NUMB: variants seen among roughly 807,000 people sequenced by gnomAD.
NUMB encodes the protein NUMB endocytic adaptor protein.
A neutral mutation model predicts 59.7 loss-of-function variants in NUMB; 29 were observed. The observed-to-expected ratio is 0.49, with a 90% CI of 0.36 to 0.66. The LOEUF (loss-of-function observed/expected upper bound fraction) is 0.66. NUMB is among the 30% of genes least tolerant of loss of function. The probability of loss-of-function intolerance (pLI) is 0.00; values close to 1 mark genes in which losing one functional copy is unlikely to be tolerated. For missense variants in NUMB, 723 were observed against 822.0 expected (o/e 0.88, Z 1.47); for synonymous variants, 288 against 288.2 (o/e 1.00, Z 0.01).
chr14:73,297,454 ACATT>A lies in NUMB; in HGVS notation c.235-173_235-170del, dbSNP rs1889857219. On this transcript the variant is annotated intron_variant, in intron 6 of 12. Transcript: ENST00000555238. Reference sequence around the variant, plus strand: ...CAGATACTCAAACCAAACTGCAGAAACATTCAGGAAAAAACAAGCCAAAGCCATT... The same window carrying A: ...CAGATACTCAAACCAAACTGCAGAAACAGGAAAAAACAAGCCAAAGCCATT... 2.8e-5 allele frequency: 14 copies of A among 499,708 alleles called. No homozygotes were observed. In the East Asian group the frequency reaches 4.5e-4, roughly 16 times the overall value. The allele number at this position is 499,708 out of a possible 1,614,324, so 31.0% of individuals were successfully genotyped here.
At chr14:73,355,130 G>C (rs1462820866) in intron 4 of NUMB, among the ~76,000 whole-genome samples, 2 of 152,098 alleles carry the variant, frequency 1.3e-5, no homozygotes, top group Non-Finnish European at 2.9e-5. Context: ...TAACCTCTGT[G>C]AGTTTCCACT....
chr14:73,447,934 C>A (rs922210067), intron 1 of NUMB, among the ~76,000 whole-genome samples: 8 of 151,862 alleles, frequency 5.3e-5, no homozygotes, highest in Non-Finnish European at 1.2e-4. Flanking sequence ...GTAGCTGGGA[C>A]AACAGGCATG....
chr14:73,357,166 G>A (rs1034227513), intron 3 of NUMB: 6 of 210,270 alleles, frequency 2.9e-5, no homozygotes, highest in Non-Finnish European at 8.2e-6. Flanking sequence ...ACTTTGGGAG[G>A]CCGAGGCAGG....
chr14:73,454,735 T>C (rs1340609218), intron 1 of NUMB, among the ~76,000 whole-genome samples: 2 of 152,194 alleles, frequency 1.3e-5, no homozygotes, highest in Non-Finnish European at 2.9e-5. Context: ...GTAAAATTAT[T>C]TGGGCAATCA....
At chr14:73,420,299 T>C (rs1897302511) in intron 1 of NUMB, among the ~76,000 whole-genome samples, 1 of 152,198 alleles carries the variant, frequency 6.6e-6, no homozygotes, top group African/African-American at 2.4e-5. Context: ...GTCAACAGAC[T>C]CACACTCCAA....
At chr14:73,282,271 G>T in intron 11 of NUMB, 88 bp downstream of exon 11, 2 of 1,365,568 alleles carry the variant, frequency 1.5e-6, no homozygotes, top group Non-Finnish European at 2.0e-6. Flanking sequence ...GCCTTGGGAA[G>T]CTCAGGATGC....
chr14:73,276,762 C>T lies in NUMB; in HGVS notation c.1772G>A (p.Gly591Asp), dbSNP rs1888186379. 2 of 1,614,158 alleles carry T rather than the reference C, an allele frequency of 1.2e-6. No homozygotes were observed. Among genetic ancestry groups the T allele is most frequent in the Non-Finnish European group, 1.7e-6 (2 of 1,180,032 alleles). ...TGAGGCCAACCTGCCATCATCTACA[C>T]CATTGAAAGCTGCAGAACCGTTGAG... ...QHLNGSAAFN[G>D]VDDGRLASAD... The change falls in exon 13 of 13, where the codon GGT (glycine) becomes GAT (aspartate). Residue 591 changes from glycine (G) to aspartate (D), a missense_variant. Gly to Asp is a moderately conservative substitution (Grantham distance 94, BLOSUM62 -1). Coordinates refer to ENST00000555238, the MANE Select transcript of NUMB (RefSeq NM_001005743.2).
rs117058163 is a variant in NUMB at position 73,348,273 on chromosome 14, A to C, written c.126+7353T>G. On this transcript the variant is annotated intron_variant, in intron 4 of 12. Transcript: ENST00000555238. ...ATATAAGTGTATGAGTTGGGGAGGG[A>C]AGGAGTGACACAACATAGCAGAGAC... 6.8e-3 allele frequency among the ~76,000 whole-genome samples: 1,039 copies of C among 152,240 alleles called. 5 individuals are homozygous for C. Among genetic ancestry groups the C allele is most frequent in the South Asian group, 0.03 (143 of 4,810 alleles).
chr14:73,449,733 G>A lies in NUMB; in HGVS notation c.-233+8760C>T, dbSNP rs142216451. On this transcript the variant is annotated intron_variant, in intron 1 of 12. Transcript: ENST00000555238. ...TTTTGATACAGAGTCACACTCTGTC[G>A]CCCAGGCTGGAGTGCAGTGGCTCGG... is the stretch of plus-strand genomic sequence containing the variant. Among the ~76,000 whole-genome samples the A allele has an allele frequency of 6.9e-3, 1,046 of 152,092 alleles. 5 individuals carry two copies. The highest frequency in any genetic ancestry group is 0.03 in the South Asian group (144 of 4,816).
intron 2 of NUMB, among the ~76,000 whole-genome samples, chr14:73,373,200 T>C (rs1894791792): frequency 6.6e-6 from 1 of 152,128 alleles, no homozygotes; most frequent in Admixed American, 6.5e-5. Flanking sequence ...TCACTGTCTT[T>C]GGGTAATACA....
At chr14:73,364,957 T>G (rs1425220695) in intron 3 of NUMB, among the ~76,000 whole-genome samples, 2 of 151,918 alleles carry the variant, frequency 1.3e-5, no homozygotes, top group Admixed American at 6.6e-5. Flanking sequence ...GAGAAAGAAA[T>G]AAAGCATGGG....
At chr14:73,367,348 T>TATATAGAGAGAGAGAGAG (rs1555375287) in intron 2 of NUMB, among the ~76,000 whole-genome samples, 244 of 105,284 alleles carry the variant, frequency 2.3e-3, no homozygotes, top group African/African-American at 3.7e-3. Flanking sequence ...TATATATATA[T>TATATAGAGAGAGAGAGAG]AGAGAGAGAG....
chr14:73,309,785 A>G (rs1890675211), intron 6 of NUMB, among the ~76,000 whole-genome samples: 1 of 150,070 alleles, frequency 6.7e-6, no homozygotes, highest in African/African-American at 2.4e-5. Flanking sequence ...GAAGATAAGC[A>G]CTAAGTACAA....
chr14:73,373,967 C>T (rs1426873888), intron 2 of NUMB, among the ~76,000 whole-genome samples: 1 of 151,958 alleles, frequency 6.6e-6, no homozygotes, highest in Non-Finnish European at 1.5e-5. Context: ...CTCCCGGGTT[C>T]AAGCGATTCT....
chr14:73,387,942 G>A (rs1438366506), intron 2 of NUMB, among the ~76,000 whole-genome samples: 5 of 127,774 alleles, frequency 3.9e-5, no homozygotes, highest in African/African-American at 9.4e-5. Flanking sequence ...AACAAAGCAA[G>A]ACTCTGTCTC....
chr14:73,370,969 G>A (rs1341591172), intron 2 of NUMB, among the ~76,000 whole-genome samples: 3 of 151,842 alleles, frequency 2.0e-5, no homozygotes, highest in African/African-American at 7.3e-5. Context: ...TCTCTTTCTC[G>A]TTCATTTTTT....
chr14:73,380,855 G>A (rs756462719), intron 2 of NUMB, among the ~76,000 whole-genome samples: 4 of 151,270 alleles, frequency 2.6e-5, no homozygotes, highest in Non-Finnish European at 4.4e-5. Context: ...CTCCCAAGTA[G>A]CTGGGATTAC....
At chr14:73,313,803 A>ATT (rs549089757) in intron 6 of NUMB, among the ~76,000 whole-genome samples, 3 of 147,608 alleles carry the variant, frequency 2.0e-5, no homozygotes, top group African/African-American at 7.5e-5. Context: ...AAAAAAGATG[A>ATT]TTTTTTTTTT....
chr14:73,439,120 T>C (rs1396227115), intron 1 of NUMB, among the ~76,000 whole-genome samples: 1 of 152,180 alleles, frequency 6.6e-6, no homozygotes, highest in African/African-American at 2.4e-5. Flanking sequence ...GATTTAGTGA[T>C]TTTCCACAGA....
Sources: gnomAD v4.1 joint callset for allele counts (sites outside exome capture counted in the v4.1 genomes callset) on GRCh38, gnomAD v4.1.1 for gene constraint, MANE v1.5 for transcripts, NCBI Gene and HGNC (gene_info 2026-07-23, HGNC 2026-07-21) for gene names.